SLC44A5: variants seen among roughly 807,000 people sequenced by gnomAD.
SLC44A5 encodes solute carrier family 44 member 5.
SLC44A5 carries 57 observed loss-of-function variants against 101.8 expected under a neutral mutation model. The ratio of observed to expected loss-of-function variants is 0.56; its 90% CI spans 0.45 to 0.70. The LOEUF (loss-of-function observed/expected upper bound fraction) is 0.70. Among genes scored for constraint, SLC44A5 ranks in the 30% least tolerant of loss-of-function variants. The pLI is 0.00. For missense variants in SLC44A5, 737 were observed against 853.1 expected (o/e 0.86, Z 1.70); for synonymous variants, 281 against 290.9 (o/e 0.97, Z 0.35).
chr1:75,481,708 C>T (rs1437946678), intron 2 of SLC44A5, among the ~76,000 whole-genome samples: 13 of 152,136 alleles, frequency 8.5e-5, no homozygotes, highest in Admixed American at 8.5e-4. Context: ...CAGTGAGATA[C>T]CATCTCACAT....
At chr1:75,340,646 A>AGTAG (rs1657807288) in intron 3 of SLC44A5, among the ~76,000 whole-genome samples, 1 of 152,158 alleles carries the variant, frequency 6.6e-6, no homozygotes, top group Non-Finnish European at 1.5e-5. Flanking sequence ...AATCCACAGG[A>AGTAG]GTAGGTCTTT....
At chr1:75,535,867 C>T (rs1468845718) in intron 2 of SLC44A5, among the ~76,000 whole-genome samples, 1 of 152,078 alleles carries the variant, frequency 6.6e-6, no homozygotes, top group Non-Finnish European at 1.5e-5. Context: ...GCATCTAAGA[C>T]ACCATTCACA....
the SLC44A5 span, among the ~76,000 whole-genome samples, chr1:75,682,177 G>A: frequency 1.3e-5 from 2 of 152,162 alleles, no homozygotes; most frequent in Admixed American, 6.6e-5. Flanking sequence ...TGGCCATACT[G>A]CCCAAGGTAA....
rs1647236118 is a variant in SLC44A5 at position 75,227,600 on chromosome 1, CA to C, written c.985+125del. 4.6e-6 allele frequency: 3 copies of C among 656,570 alleles called. No individual in the cohort carries two copies. The South Asian group carries it at 8.4e-5, about 18-fold the overall frequency. 40.7% of individuals were successfully genotyped at this position (656,570 alleles called of 1,614,324 possible). A position where few individuals can be genotyped will look rare whatever the true frequency, so the allele number is the denominator to read the frequency against. ...TACTGTAGTTAGAGGATTATAGACA[CA>C]TTACTTTTTATGACACTAGTGATAA... On this transcript the variant is annotated intron_variant, in intron 13 of 23. Transcript: ENST00000370859.
chr1:75,316,222 C>T (rs1264171513), intron 4 of SLC44A5, among the ~76,000 whole-genome samples: 1 of 152,202 alleles, frequency 6.6e-6, no homozygotes, highest in Non-Finnish European at 1.5e-5. Flanking sequence ...TTCCCAAAAT[C>T]TTAGTGGCTT....
chr1:75,478,252 G>A (rs934844923), intron 2 of SLC44A5, among the ~76,000 whole-genome samples: 1 of 152,070 alleles, frequency 6.6e-6, no homozygotes, highest in Non-Finnish European at 1.5e-5. Flanking sequence ...CCTGAAGGAA[G>A]CACTAAACAT....
intron 1 of SLC44A5, among the ~76,000 whole-genome samples, chr1:75,604,272 C>T (rs995034610): frequency 7.2e-5 from 11 of 151,752 alleles, no homozygotes; most frequent in African/African-American, 2.7e-4. Flanking sequence ...AGTAGAGAGT[C>T]CTTTCCCCAT....
chr1:75,693,577 T>C, the SLC44A5 span, among the ~76,000 whole-genome samples: 474 of 152,304 alleles, frequency 3.1e-3, 3 homozygotes, highest in Non-Finnish European at 4.8e-3. Flanking sequence ...TTCAAGTTAC[T>C]GAAGCGTTTC....
intron 2 of SLC44A5, among the ~76,000 whole-genome samples, chr1:75,422,724 A>G (rs1664083407): frequency 6.6e-6 from 1 of 152,110 alleles, no homozygotes; most frequent in Admixed American, 6.5e-5. Context: ...GCATGAAGGA[A>G]CCCTTATCTG....
intron 13 of SLC44A5, among the ~76,000 whole-genome samples, chr1:75,226,543 GCCTGAGTAT>G (rs1427748921): frequency 6.6e-6 from 1 of 152,016 alleles, no homozygotes; most frequent in African/African-American, 2.4e-5. Flanking sequence ...GTCCTTGAAA[GCCTGAGTAT>G]CCTTGAATGA....
At chr1:75,332,648 A>C (rs543958367) in intron 4 of SLC44A5, among the ~76,000 whole-genome samples, 1 of 152,314 alleles carries the variant, frequency 6.6e-6, no homozygotes, top group Non-Finnish European at 1.5e-5. Flanking sequence ...AGATTCAAGG[A>C]AAGAATGAAG....
chr1:75,661,558 A>G, the SLC44A5 span, among the ~76,000 whole-genome samples: 182 of 152,150 alleles, frequency 1.2e-3, no homozygotes, highest in South Asian at 4.1e-3. Context: ...AAAAATCAGC[A>G]CAGTCAACAG....
intron 2 of SLC44A5, among the ~76,000 whole-genome samples, chr1:75,438,002 T>G (rs1423812956): frequency 1.3e-5 from 2 of 152,144 alleles, no homozygotes; most frequent in Non-Finnish European, 2.9e-5. Context: ...GCAGTGATTT[T>G]GAGTAGGATT....
chr1:75,679,575 C>T, the SLC44A5 span, among the ~76,000 whole-genome samples: 1 of 151,632 alleles, frequency 6.6e-6, no homozygotes, highest in Non-Finnish European at 1.5e-5. Flanking sequence ...GAGATTTTGT[C>T]ACCACCAGGC....
At chr1:75,483,217 T>A (rs547674028) in intron 2 of SLC44A5, among the ~76,000 whole-genome samples, 15 of 152,270 alleles carry the variant, frequency 9.9e-5, no homozygotes, top group Middle Eastern at 3.4e-3. Context: ...CAGATGGAGA[T>A]TAATCAATCT....
chr1:75,227,739 T>C lies in SLC44A5; in HGVS notation c.972A>G (p.Thr324=), dbSNP rs549787720. 2.4e-5 allele frequency: 37 copies of C among 1,556,388 alleles called. No individual in the cohort carries two copies. The highest frequency in any genetic ancestry group is 1.4e-4 in the East Asian group (6 of 42,218). ...NISMYFELQQ[T]WFTFMIILCI... ...TAAAATACTCACTAAATGTGAACCATGTTTGTTGCAGTTCAAAGTACATGC... is the reference window on the plus strand; with the variant it reads ...TAAAATACTCACTAAATGTGAACCACGTTTGTTGCAGTTCAAAGTACATGC... The change falls in exon 13 of 24, where the codon ACA becomes ACG. Residue 324 remains threonine, a synonymous_variant. Transcript: ENST00000370859.
At chr1:75,258,358 G>A (rs1240282493) in intron 6 of SLC44A5, among the ~76,000 whole-genome samples, 1 of 152,088 alleles carries the variant, frequency 6.6e-6, no homozygotes, top group Admixed American at 6.5e-5. Flanking sequence ...CGTCAGGGAA[G>A]GGGTGTCTGC....
At chr1:75,661,445 C>T in the SLC44A5 span, among the ~76,000 whole-genome samples, 1 of 133,844 alleles carries the variant, frequency 7.5e-6, no homozygotes, top group African/African-American at 2.8e-5. Flanking sequence ...CACATTTGTC[C>T]AGGCAAAGAT....
intron 4 of SLC44A5, among the ~76,000 whole-genome samples, chr1:75,302,110 TTG>T (rs1654508747): frequency 6.3e-5 from 7 of 111,640 alleles, no homozygotes; most frequent in African/African-American, 9.8e-5. Context: ...TCTAGTTTTT[TTG>T]TTTTTTTTTT....
Sources: gnomAD v4.1 joint callset for allele counts (sites outside exome capture counted in the v4.1 genomes callset) on GRCh38, gnomAD v4.1.1 for gene constraint, MANE v1.5 for transcripts, NCBI Gene and HGNC (gene_info 2026-07-23, HGNC 2026-07-21) for gene names.